Variants in NSUN3 observed in about 807,000 individuals in gnomAD.
The protein encoded by NSUN3 is tRNA (cytosine(34)-C(5))-methyltransferase, mitochondrial.
In NSUN3, 24 loss-of-function variants were observed where a neutral mutation model predicts 36.8. The observed-to-expected ratio is 0.65, with a 90% CI of 0.47 to 0.92. NSUN3 has a LOEUF of 0.92. Among genes scored for constraint, NSUN3 ranks in the 40% least tolerant of loss-of-function variants. NSUN3 has a pLI of 0.00. For missense variants in NSUN3, 381 were observed against 392.8 expected (o/e 0.97, Z 0.25); for synonymous variants, 146 against 145.2 (o/e 1.01, Z -0.04).
intron 5 of NSUN3, among the ~76,000 whole-genome samples, chr3:94,121,985 A>C (rs2077464535): frequency 6.6e-6 from 1 of 151,988 alleles, no homozygotes; most frequent in Non-Finnish European, 1.5e-5. Context: ...TCTCTACTAA[A>C]AGTACAAAAA....
intron 2 of NSUN3, among the ~76,000 whole-genome samples, chr3:94,066,857 A>G (rs2107233351): frequency 6.6e-6 from 1 of 152,260 alleles, no homozygotes; most frequent in South Asian, 2.1e-4. Context: ...TATCACCATC[A>G]GTCTGGTTTC....
rs149386171 is a variant in NSUN3, at chr3:94,081,312, G to A, written c.123-2795G>A. Among the ~76,000 whole-genome samples the A allele has an allele frequency of 7.2e-3, 1,091 of 152,236 alleles. 11 individuals are homozygous for A. Among genetic ancestry groups the A allele is most frequent in the African/African-American group, 0.025 (1,031 of 41,526 alleles). On this transcript the variant is annotated intron_variant, in intron 2 of 5. Transcript: ENST00000314622. The stretch of plus-strand genomic sequence containing the variant: ...AATGCAGAAATCACCCACCTTCTGC[G>A]TTGATCTTGCTGGGAGCTGCAGACC...
Position 94,084,168 on chromosome 3 carries a change from C to A in NSUN3, c.184C>A (p.Pro62Thr), listed in dbSNP as rs866604657. Residue 62 changes from proline (P) to threonine (T), a missense_variant, in exon 3 of 6, where the codon CCT (proline) becomes ACT (threonine). Pro to Thr is a conservative substitution (Grantham distance 38, BLOSUM62 -1). Transcript: ENST00000314622. ...YAVLLNRFNY[P>T]FELEKDLHLK... ...TGTCCTGCTTAACCGATTCAATTAT[C>A]CTTTTGAACTGGAAAAGGATTTACA... The A allele has an allele frequency of 6.2e-7, 1 of 1,614,010 alleles. No individual in the cohort carries two copies. The highest frequency in any genetic ancestry group is 1.1e-5 in the South Asian group (1 of 91,086).
chr3:94,118,165 T>A (rs1391196164), intron 5 of NSUN3, among the ~76,000 whole-genome samples: 1 of 152,196 alleles, frequency 6.6e-6, no homozygotes, highest in Non-Finnish European at 1.5e-5. Flanking sequence ...CCCGATTTGA[T>A]CATTCTACAT....
At chr3:94,117,279 C>T (rs548471724) in intron 5 of NSUN3, among the ~76,000 whole-genome samples, 2 of 152,096 alleles carry the variant, frequency 1.3e-5, no homozygotes, top group East Asian at 3.9e-4. Context: ...GGATTACAGA[C>T]GTGAGTCACC....
At chr3:94,080,843 T>C (rs1053775291) in intron 2 of NSUN3, among the ~76,000 whole-genome samples, 4 of 152,176 alleles carry the variant, frequency 2.6e-5, no homozygotes, top group African/African-American at 4.8e-5. Context: ...TTTGCTGGGC[T>C]CCATGGGGGT....
At position 94,117,556 on chromosome 3, in the gene NSUN3, C is replaced by G. The variant is rs541597006; in HGVS notation, c.744-8655C>G. Among the ~76,000 whole-genome samples, 59 of 152,228 alleles carry G rather than the reference C, an allele frequency of 3.9e-4. 1 individual carries two copies. Among genetic ancestry groups the G allele is most frequent in the African/African-American group, 1.4e-3 (57 of 41,532 alleles). ...AACACAAAATGCATTTCAGCCTGTT[C>G]CATGATACACTGAAAGACAAGCAAA... On this transcript the variant is annotated intron_variant, in intron 5 of 5. Transcript: ENST00000314622.
At chr3:94,078,586 G>T (rs1362143816) in intron 2 of NSUN3, among the ~76,000 whole-genome samples, 1 of 152,100 alleles carries the variant, frequency 6.6e-6, no homozygotes, top group African/African-American at 2.4e-5. Flanking sequence ...CTCTTTGTAG[G>T]TCTCTAAGAA....
At chr3:94,077,506 A>G (rs552083236) in intron 2 of NSUN3, among the ~76,000 whole-genome samples, 13 of 152,320 alleles carry the variant, frequency 8.5e-5, no homozygotes, top group African/African-American at 3.1e-4. Flanking sequence ...TAGTTTCAGA[A>G]GGAATGGCAC....
chr3:94,097,800 C>T (rs546993802), intron 5 of NSUN3, among the ~76,000 whole-genome samples: 1 of 152,170 alleles, frequency 6.6e-6, no homozygotes, highest in Non-Finnish European at 1.5e-5. Context: ...TTATTTAACT[C>T]GCTCCTCATC....
Position 94,105,882 on chromosome 3 carries a change from C to CTT in NSUN3, c.743+10739_743+10740dup, listed in dbSNP as rs10630411. Among the ~76,000 whole-genome samples the CTT allele has an allele frequency of 4.9e-3, 723 of 146,928 alleles. 9 individuals are homozygous for CTT. The highest frequency in any genetic ancestry group is 0.015 in the African/African-American group (614 of 40,166). On this transcript the variant is annotated intron_variant, in intron 5 of 5. Coordinates refer to ENST00000314622, the MANE Select transcript of NSUN3 (RefSeq NM_022072.5). The stretch of plus-strand genomic sequence containing the variant: ...TCTGGTGGTTTTCTTGAAGGCTTTT[C>CTT]TTTTTTTTTTTTCATTTGTATGAGT...
intron 5 of NSUN3, among the ~76,000 whole-genome samples, chr3:94,105,291 A>G (rs2077384188): frequency 6.6e-6 from 1 of 152,124 alleles, no homozygotes; most frequent in Non-Finnish European, 1.5e-5. Flanking sequence ...CTGAAAAACC[A>G]CGATCCAGCC....
intron 2 of NSUN3, among the ~76,000 whole-genome samples, chr3:94,082,957 C>A (rs977480691): frequency 3.9e-5 from 6 of 152,130 alleles, no homozygotes; most frequent in African/African-American, 1.2e-4. Context: ...AACACTCATT[C>A]CCTCTAACAC....
intron 5 of NSUN3, among the ~76,000 whole-genome samples, chr3:94,106,385 A>G (rs956658734): frequency 6.6e-6 from 1 of 152,176 alleles, no homozygotes; most frequent in Non-Finnish European, 1.5e-5. Context: ...ATGTTTCTTT[A>G]TCTTGAATTT....
intron 5 of NSUN3, among the ~76,000 whole-genome samples, chr3:94,118,761 CT>C (rs1283348648): frequency 1.3e-5 from 2 of 150,976 alleles, no homozygotes; most frequent in East Asian, 1.9e-4. Context: ...CCCAACCTGT[CT>C]TTTTTTTTCT....
chr3:94,097,651 G>A (rs1462425463), intron 5 of NSUN3, among the ~76,000 whole-genome samples: 6 of 152,134 alleles, frequency 3.9e-5, no homozygotes, highest in Non-Finnish European at 8.8e-5. Context: ...TCTCCAAAAA[G>A]GCTATACCAG....
intron 2 of NSUN3, among the ~76,000 whole-genome samples, chr3:94,066,161 G>T (rs2077203617): frequency 6.6e-6 from 1 of 151,436 alleles, no homozygotes; most frequent in African/African-American, 2.4e-5. Flanking sequence ...AGTGTACTCA[G>T]AAAGTCATAT....
chr3:94,130,917 G>A lies in NSUN3; in HGVS notation c.*4427G>A, dbSNP rs1171518373. Among the ~76,000 whole-genome samples, 2 of 150,448 alleles carry A rather than the reference G, an allele frequency of 1.3e-5. No homozygotes were observed. The highest frequency in any genetic ancestry group is 3.9e-4 in the East Asian group (2 of 5,130). Reference sequence around the variant, plus strand: ...CATTCAACCCTTTTTTTTTCACTTTGAATCAAATGGAATTTAGTTCCTCCC... The same window carrying A: ...CATTCAACCCTTTTTTTTTCACTTTAAATCAAATGGAATTTAGTTCCTCCC... On this transcript the variant is annotated 3_prime_UTR_variant, in exon 6 of 6. Coordinates refer to ENST00000314622, the MANE Select transcript of NSUN3 (RefSeq NM_022072.5).
At chr3:94,119,730 G>T (rs183985410) in intron 5 of NSUN3, among the ~76,000 whole-genome samples, 91 of 152,316 alleles carry the variant, frequency 6.0e-4, no homozygotes, top group African/African-American at 2.2e-3. Flanking sequence ...ACAAATTTCT[G>T]ATAGTTTTAA....
Sources: gnomAD v4.1 joint callset for allele counts (sites outside exome capture counted in the v4.1 genomes callset) on GRCh38, gnomAD v4.1.1 for gene constraint, MANE v1.5 for transcripts, NCBI Gene and HGNC (gene_info 2026-07-23, HGNC 2026-07-21) for gene names.